The following PRELID2 variants were observed in gnomAD, a reference collection of about 807,000 sequenced individuals.
The protein encoded by PRELID2 is PRELI domain-containing protein 2.
In PRELID2, 25 loss-of-function variants were observed where a neutral mutation model predicts 28.4. The ratio of observed to expected loss-of-function variants is 0.88; its 90% CI spans 0.64 to 1.23. The LOEUF is 1.23. PRELID2 is among the 50% of genes most tolerant of loss of function. PRELID2 has a pLI of 0.00. For synonymous variants in PRELID2, 76 were observed against 71.6 expected (o/e 1.06, Z -0.31); for missense variants, 201 against 214.4 (o/e 0.94, Z 0.39).
At chr5:145,426,431 C>G in the PRELID2 span, among the ~76,000 whole-genome samples, 1 of 152,174 alleles carries the variant, frequency 6.6e-6, no homozygotes, top group African/African-American at 2.4e-5. Context: ...AATCAAATGT[C>G]TAAAGAGCTG....
rs553918845 is a variant in PRELID2 at position 145,732,629 on chromosome 5, T to C, written n.70+32302A>G. On this transcript the variant is annotated intron_variant and non_coding_transcript_variant, in intron 1 of 2. Coordinates refer to the PRELID2 transcript ENST00000510259. ...CACTGTACTGGATAATTCAGATTTA[T>C]GGCAAAGTTTCTTGACCTGAGGCCT... Among the ~76,000 whole-genome samples, 17 of 152,356 alleles carry C rather than the reference T, an allele frequency of 1.1e-4. No homozygotes were observed. In the South Asian group the frequency reaches 2.3e-3, roughly 20 times the overall value.
chr5:145,626,494 A>G (rs1753845801), intron 1 of PRELID2, among the ~76,000 whole-genome samples: 1 of 152,176 alleles, frequency 6.6e-6, no homozygotes, highest in Non-Finnish European at 1.5e-5. Flanking sequence ...ATCAGTCAGT[A>G]TGGCTATTAT....
chr5:145,538,061 T>A (rs1441403897), intron 1 of PRELID2, among the ~76,000 whole-genome samples: 1 of 151,932 alleles, frequency 6.6e-6, no homozygotes, highest in Non-Finnish European at 1.5e-5. Flanking sequence ...CATGTGGATA[T>A]CCAATTTTCC....
chr5:145,792,014 C>T (rs1354104471), intron 5 of PRELID2, among the ~76,000 whole-genome samples: 3 of 152,126 alleles, frequency 2.0e-5, no homozygotes, highest in South Asian at 2.1e-4. Flanking sequence ...GTAGCATGGC[C>T]GCATTCCTCT....
At chr5:145,782,301 G>A (rs1377253628) in intron 5 of PRELID2, among the ~76,000 whole-genome samples, 1 of 152,192 alleles carries the variant, frequency 6.6e-6, no homozygotes, top group Non-Finnish European at 1.5e-5. Flanking sequence ...TGGGCTCTGA[G>A]GTCAGACCAC....
At chr5:145,373,926 T>C in the PRELID2 span, among the ~76,000 whole-genome samples, 45 of 140,194 alleles carry the variant, frequency 3.2e-4, no homozygotes, top group African/African-American at 1.1e-3. Flanking sequence ...TGATATTATA[T>C]ATTATAACAT....
At chr5:145,680,285 G>C (rs1347650305) in intron 1 of PRELID2, among the ~76,000 whole-genome samples, 1 of 152,190 alleles carries the variant, frequency 6.6e-6, no homozygotes, top group Non-Finnish European at 1.5e-5. Context: ...CTATGGAAAG[G>C]AAAGAAAAGG....
chr5:145,618,789 A>G (rs772909527), intron 1 of PRELID2, among the ~76,000 whole-genome samples: 11 of 152,080 alleles, frequency 7.2e-5, no homozygotes, highest in Admixed American at 1.3e-4. Flanking sequence ...GTGGGTAGGG[A>G]AGGACCATCA....
chr5:145,806,901 A>G (rs765243712), intron 4 of PRELID2, among the ~76,000 whole-genome samples: 8 of 152,196 alleles, frequency 5.3e-5, no homozygotes, highest in Non-Finnish European at 8.8e-5. Flanking sequence ...CTCCCCAGCC[A>G]TGTGGAACTG....
At chr5:145,508,596 T>G (rs560731746) in intron 1 of PRELID2, among the ~76,000 whole-genome samples, 4 of 152,072 alleles carry the variant, frequency 2.6e-5, no homozygotes, top group Non-Finnish European at 5.9e-5. Context: ...AAAGAAAACA[T>G]TGTGTCTGTC....
At chr5:145,565,822 G>A (rs899699847) in intron 1 of PRELID2, among the ~76,000 whole-genome samples, 1 of 152,196 alleles carries the variant, frequency 6.6e-6, no homozygotes, top group African/African-American at 2.4e-5. Context: ...ATGCCAGTAG[G>A]TGTAAGTCTA....
At chr5:145,315,195 G>C in the PRELID2 span, among the ~76,000 whole-genome samples, 2 of 149,150 alleles carry the variant, frequency 1.3e-5, no homozygotes, top group African/African-American at 4.9e-5. Context: ...TCAGCCTCCC[G>C]AGTAGCTGGG....
At chr5:145,602,629 A>G (rs1753413479) in intron 1 of PRELID2, among the ~76,000 whole-genome samples, 1 of 152,134 alleles carries the variant, frequency 6.6e-6, no homozygotes. Context: ...AAAAGTTGCC[A>G]TACTAGAAAC....
chr5:145,786,656 T>C (rs1438033457), intron 5 of PRELID2, among the ~76,000 whole-genome samples: 1 of 152,210 alleles, frequency 6.6e-6, no homozygotes, highest in East Asian at 1.9e-4. Context: ...GTAATACATA[T>C]GTGTTGTTTC....
intron 1 of PRELID2, among the ~76,000 whole-genome samples, chr5:145,702,793 T>C (rs1183982957): frequency 6.6e-6 from 1 of 152,138 alleles, no homozygotes; most frequent in Non-Finnish European, 1.5e-5. Flanking sequence ...CAAGACTCCC[T>C]ACCTACCAGG....
In PRELID2 at chr5:145,481,650, A is replaced by AAAAG. The variant is rs1213931481; in HGVS notation, n.71-8339_71-8336dup. ...AAAAAAAAAAAAAAAAAAAAAAAAAAAAAGAAAGAAAGAAAGAAAGAAAGA... is the reference window on the plus strand; with the variant it reads ...AAAAAAAAAAAAAAAAAAAAAAAAAAAAAGAAAGAAAGAAAGAAAGAAAGAAAGA... On this transcript the variant is annotated intron_variant and non_coding_transcript_variant, in intron 1 of 2. Transcript: ENST00000510259. 1.2e-3 allele frequency among the ~76,000 whole-genome samples: 141 copies of AAAAG among 117,812 alleles called. 1 individual carries two copies. The highest frequency in any genetic ancestry group is 4.9e-3 in the East Asian group (22 of 4,520). 77.3% of individuals were successfully genotyped at this position (117,812 alleles called of 152,430 possible). A position where few individuals can be genotyped will look rare whatever the true frequency, so the allele number is the denominator to read the frequency against.
chr5:145,280,983 C>T, the PRELID2 span, among the ~76,000 whole-genome samples: 2 of 152,040 alleles, frequency 1.3e-5, no homozygotes, highest in Non-Finnish European at 2.9e-5. Flanking sequence ...CCTTTAGGAA[C>T]AGCAGTATCT....
the PRELID2 span, among the ~76,000 whole-genome samples, chr5:145,376,247 C>T: frequency 2.0e-5 from 3 of 152,152 alleles, no homozygotes; most frequent in Admixed American, 6.5e-5. Context: ...ATAAAGCCTA[C>T]TTGATCTTGA....
chr5:145,420,998 T>G, the PRELID2 span, among the ~76,000 whole-genome samples: 5 of 143,872 alleles, frequency 3.5e-5, no homozygotes, highest in African/African-American at 1.3e-4. Context: ...AATCATGTGG[T>G]TTTTGTCTTT....
Sources: allele counts gnomAD v4.1 joint callset (sites outside exome capture counted in the v4.1 genomes callset), GRCh38; gene constraint gnomAD v4.1.1; transcripts MANE v1.5; gene names NCBI Gene and HGNC (gene_info 2026-07-23, HGNC 2026-07-21).